Variants in CGGBP1 observed in about 807,000 individuals in gnomAD.
The protein encoded by CGGBP1 is CGG triplet repeat binding protein 1.
Under a neutral mutation model 11.4 loss-of-function variants are expected in CGGBP1, and 4 were observed. The observed-to-expected ratio is 0.35, with a 90% CI of 0.17 to 0.80. The LOEUF (loss-of-function observed/expected upper bound fraction) is 0.80, where lower values mean the gene tolerates loss of function less well. CGGBP1 is among the 30% of genes least tolerant of loss of function. CGGBP1 has a pLI of 0.52. For missense variants in CGGBP1, 135 were observed against 202.1 expected (o/e 0.67, Z 2.01); for synonymous variants, 76 against 74.1 (o/e 1.03, Z -0.13).
At chr3:88,083,754 A>G (rs1361766813) in intron 2 of CGGBP1, among the ~76,000 whole-genome samples, 1 of 152,154 alleles carries the variant, frequency 6.6e-6, no homozygotes, top group South Asian at 2.1e-4. Flanking sequence ...TAGCAGCTTC[A>G]GCGTTATCCT....
At chr3:88,138,750 G>A (rs890140158) in intron 2 of CGGBP1, 1 of 1,231,980 alleles carries the variant, frequency 8.1e-7, no homozygotes, top group Admixed American at 4.2e-5. Flanking sequence ...ATGTGGTTGT[G>A]CTCTACAACT....
At chr3:88,095,681 T>C (rs938964380) in intron 2 of CGGBP1, 13 of 436,586 alleles carry the variant, frequency 3.0e-5, no homozygotes, top group Non-Finnish European at 5.7e-5. Context: ...CTTGATACTG[T>C]CAGCACAGTT....
chr3:88,109,498 TTAAG>T (rs1181938652), intron 2 of CGGBP1, among the ~76,000 whole-genome samples: 4 of 152,148 alleles, frequency 2.6e-5, no homozygotes, highest in Non-Finnish European at 4.4e-5. Context: ...ATTTGGACAA[TTAAG>T]TATCATATTT....
chr3:88,072,018 A>G (rs902049162), intron 2 of CGGBP1, among the ~76,000 whole-genome samples: 5 of 152,190 alleles, frequency 3.3e-5, no homozygotes, highest in African/African-American at 1.2e-4. Context: ...ATATCCTTAG[A>G]TATCTTAGGC....
chr3:88,081,907 A>G (rs1389062003), intron 2 of CGGBP1, among the ~76,000 whole-genome samples: 2 of 152,240 alleles, frequency 1.3e-5, no homozygotes, highest in East Asian at 1.9e-4. Context: ...ACTTTTATAT[A>G]TACAACTACG....
intron 2 of CGGBP1, among the ~76,000 whole-genome samples, chr3:88,071,866 C>T (rs1194432534): frequency 6.6e-6 from 1 of 152,162 alleles, no homozygotes; most frequent in Non-Finnish European, 1.5e-5. Context: ...TTGTACTGTA[C>T]TTTTAAGACT....
At chr3:88,063,097 G>T (rs1706980040), upstream of CGGBP1, among the ~76,000 whole-genome samples, 6 of 152,134 alleles carry the variant, frequency 3.9e-5, no homozygotes, top group Admixed American at 3.3e-4. Flanking sequence ...GAGACATTTG[G>T]CAATGTCAGG....
At chr3:88,136,159 C>T (rs1706771886) in intron 2 of CGGBP1, among the ~76,000 whole-genome samples, 1 of 152,064 alleles carries the variant, frequency 6.6e-6, no homozygotes, top group Non-Finnish European at 1.5e-5. Flanking sequence ...TCAGAATCAC[C>T]TGTAAAACTT....
At chr3:88,138,630 GT>G (rs1191396110) in intron 2 of CGGBP1, 1 of 899,300 alleles carries the variant, frequency 1.1e-6, no homozygotes, top group Admixed American at 4.3e-5. Context: ...TAAGAGTTGT[GT>G]TTTTTAAAGA....
chr3:88,068,524 A>G (rs1707327455), intron 2 of CGGBP1, among the ~76,000 whole-genome samples: 3 of 152,158 alleles, frequency 2.0e-5, no homozygotes, highest in Non-Finnish European at 4.4e-5. Context: ...ATTGACATCA[A>G]CCAGTATGTT....
At chr3:88,139,475 A>T in intron 2 of CGGBP1, 1 of 1,613,796 alleles carries the variant, frequency 6.2e-7, no homozygotes, top group South Asian at 1.1e-5. Flanking sequence ...AGAGGCAGCA[A>T]ATTGCTGCAG....
At chr3:88,119,396 GAGGGGGGA>G (rs1269437823) in intron 2 of CGGBP1, among the ~76,000 whole-genome samples, 561 of 5,134 alleles carry the variant, frequency 0.11, 3 homozygotes, top group Non-Finnish European at 0.36. Context: ...GGGGTGGGGG[GAGGGGGGA>G]GGGGGGAGGG....
intron 2 of CGGBP1, among the ~76,000 whole-genome samples, chr3:88,132,494 T>C (rs553742016): frequency 4.6e-5 from 7 of 152,226 alleles, no homozygotes; most frequent in Non-Finnish European, 1.0e-4. Flanking sequence ...AGGATTTTTT[T>C]GTTGTTGGTT....
intron 1 of CGGBP1, chr3:88,144,137 C>T (rs1291686959): frequency 6.6e-6 from 1 of 152,236 alleles, no homozygotes; most frequent in Non-Finnish European, 1.5e-5. Context: ...AATAGCAAAT[C>T]TGAATTTTTG....
At position 88,055,910 on chromosome 3, in the gene CGGBP1, G is replaced by C. The variant is rs756382459; in HGVS notation, c.67C>G (p.Pro23Ala). 6 of 1,614,064 alleles carry C rather than the reference G, an allele frequency of 3.7e-6. No homozygotes were observed. The highest frequency in any genetic ancestry group is 1.3e-5 in the African/African-American group (1 of 74,922). Residue 23 changes from proline to alanine, a missense_variant, in exon 4 of 4, where the codon CCC (proline) becomes GCC (alanine). Pro to Ala is a conservative substitution (Grantham distance 27). Transcript: ENST00000482016. The surrounding 1 kb of genome is among the most constrained non-coding windows in gnomAD (Gnocchi z 4.2). ...NRSKTALYVTPLDRVTEFGGE... is the reference protein window; with the variant it reads ...NRSKTALYVTALDRVTEFGGE... ...CCAAACTCAGTGACTCGATCCAGGG[G>C]AGTCACATACAAAGCAGTCTTAGAA...
At chr3:88,096,285 A>G (rs1450096825) in intron 2 of CGGBP1, among the ~76,000 whole-genome samples, 1 of 152,110 alleles carries the variant, frequency 6.6e-6, no homozygotes, top group Non-Finnish European at 1.5e-5. Flanking sequence ...AGCTCTAGAA[A>G]TGGAGGGACA....
chr3:88,061,449 G>C (rs898125410), upstream of CGGBP1, among the ~76,000 whole-genome samples: 19 of 152,138 alleles, frequency 1.2e-4, no homozygotes, highest in African/African-American at 4.1e-4. Context: ...AATTATGTTA[G>C]ACTGACATAC....
chr3:88,135,008 C>A, intron 2 of CGGBP1: 1 of 1,223,486 alleles, frequency 8.2e-7, no homozygotes, highest in South Asian at 2.2e-5. Flanking sequence ...TAGCTAATGT[C>A]TGTATTTGAA....
intron 2 of CGGBP1, among the ~76,000 whole-genome samples, chr3:88,125,752 C>G (rs1425041042): frequency 3.9e-5 from 6 of 152,158 alleles, no homozygotes; most frequent in Non-Finnish European, 7.4e-5. Flanking sequence ...CTACCACGCT[C>G]TCTTTTTCTT....
Sources: gnomAD v4.1 joint callset for allele counts (sites outside exome capture counted in the v4.1 genomes callset) on GRCh38, gnomAD v4.1.1 for gene constraint, Gnocchi (gnomAD v3.1) non-coding constraint, MANE v1.5 for transcripts, NCBI Gene and HGNC (gene_info 2026-07-23, HGNC 2026-07-21) for gene names.